SUPT3H: variants seen among roughly 807,000 people sequenced by gnomAD.
The protein encoded by SUPT3H is SPT3 homolog, SAGA and STAGA complex component.
Under a neutral mutation model 44.3 loss-of-function variants are expected in SUPT3H, and 44 were observed. The observed-to-expected ratio is 0.99, with a 90% confidence interval of 0.78 to 1.28. The LOEUF (loss-of-function observed/expected upper bound fraction) is 1.28, where lower values mean the gene tolerates loss of function less well. Among genes scored for constraint, SUPT3H ranks in the 50% most tolerant of loss-of-function variants. SUPT3H has a pLI of 0.00. For synonymous variants in SUPT3H, 124 were observed against 125.6 expected (o/e 0.99, Z 0.09); for missense variants, 380 against 387.1 (o/e 0.98, Z 0.15).
At chr6:45,065,740 C>T (rs370516211) in intron 3 of SUPT3H, among the ~76,000 whole-genome samples, 3 of 151,646 alleles carry the variant, frequency 2.0e-5, no homozygotes, top group Non-Finnish European at 4.4e-5. Flanking sequence ...AACACATACA[C>T]TCTCCCAAGA....
chr6:44,991,383 G>A (rs1220057743), intron 6 of SUPT3H, among the ~76,000 whole-genome samples: 1 of 152,110 alleles, frequency 6.6e-6, no homozygotes, highest in African/African-American at 2.4e-5. Context: ...GGAGAATCAT[G>A]AAAAGGAGAA....
intron 4 of SUPT3H, among the ~76,000 whole-genome samples, chr6:45,019,177 T>C (rs1784747557): frequency 6.6e-6 from 1 of 152,194 alleles, no homozygotes; most frequent in Admixed American, 6.5e-5. Flanking sequence ...TGTATTTCTG[T>C]GGGATTGGTG....
intron 2 of SUPT3H, among the ~76,000 whole-genome samples, chr6:45,340,815 T>C (rs1294560404): frequency 6.6e-6 from 1 of 152,040 alleles, no homozygotes; most frequent in Non-Finnish European, 1.5e-5. Flanking sequence ...TAAAATAATC[T>C]TGTATCATAA....
chr6:45,322,696 C>T (rs546258661), intron 2 of SUPT3H, among the ~76,000 whole-genome samples: 3 of 152,154 alleles, frequency 2.0e-5, no homozygotes, highest in African/African-American at 4.8e-5. Context: ...AAAATCTATA[C>T]ACAGTAATGA....
intron 2 of SUPT3H, among the ~76,000 whole-genome samples, chr6:45,306,181 C>T (rs546963156): frequency 6.6e-6 from 1 of 152,326 alleles, no homozygotes; most frequent in Non-Finnish European, 1.5e-5. Flanking sequence ...TCACAGGCAA[C>T]ACACATCACA....
intron 4 of SUPT3H, among the ~76,000 whole-genome samples, chr6:45,018,382 T>C (rs1784621681): frequency 6.6e-6 from 1 of 150,770 alleles, no homozygotes; most frequent in African/African-American, 2.4e-5. Flanking sequence ...TCCAACACTA[T>C]GTTGAATAGG....
intron 6 of SUPT3H, among the ~76,000 whole-genome samples, chr6:44,990,192 T>TC (rs746613127): frequency 1.3e-5 from 2 of 152,022 alleles, no homozygotes; most frequent in Non-Finnish European, 2.9e-5. Flanking sequence ...CATTTTTTTT[T>TC]CGCATGTGGA....
At chr6:45,372,648 T>C (rs1796243997) in intron 1 of SUPT3H, among the ~76,000 whole-genome samples, 1 of 152,176 alleles carries the variant, frequency 6.6e-6, no homozygotes, top group East Asian at 1.9e-4. Context: ...CTACATACCA[T>C]ACACCAAACA....
intron 2 of SUPT3H, among the ~76,000 whole-genome samples, chr6:45,168,573 A>C (rs1810287152): frequency 6.6e-6 from 1 of 152,174 alleles, no homozygotes; most frequent in African/African-American, 2.4e-5. Flanking sequence ...CCTGTCTCAG[A>C]TATTTGGGGA....
intron 10 of SUPT3H, among the ~76,000 whole-genome samples, chr6:44,914,928 C>T (rs1339330270): frequency 6.6e-6 from 1 of 152,072 alleles, no homozygotes; most frequent in African/African-American, 2.4e-5. Flanking sequence ...AGGACTAGAT[C>T]CAAAAGGAGA....
chr6:45,293,391 A>C (rs540815771), intron 2 of SUPT3H, among the ~76,000 whole-genome samples: 2 of 152,194 alleles, frequency 1.3e-5, no homozygotes, highest in Non-Finnish European at 1.5e-5. Context: ...AGTCTGAAAG[A>C]GCACAGACAG....
At chr6:44,905,090 C>T (rs1765773618) in intron 10 of SUPT3H, among the ~76,000 whole-genome samples, 1 of 151,916 alleles carries the variant, frequency 6.6e-6, no homozygotes, top group Non-Finnish European at 1.5e-5. Context: ...TAGGCAATAC[C>T]ATTCAGGACA....
chr6:45,063,412 C>G (rs1792555590), intron 3 of SUPT3H, among the ~76,000 whole-genome samples: 1 of 150,816 alleles, frequency 6.6e-6, no homozygotes, highest in South Asian at 2.1e-4. Context: ...CTCTCCTCCT[C>G]CAAAGGAACG....
rs1473419833 is a variant in SUPT3H, at chr6:44,961,806, A to G, written c.527T>C (p.Ile176Thr). ...RMERAERQTR[I>T]MDSAQYAEFC... is the part of the protein sequence containing the mutation. ...TTCTGCATATTGAGCTGAATCCATA[A>G]TTCGAGTTTGTCTTTCTGCTCTCTA... The change falls in exon 7 of 11, where the codon ATT becomes ACT. Residue 176 changes from isoleucine to threonine, a missense_variant. Coordinates refer to ENST00000371459, the MANE Select transcript of SUPT3H (RefSeq NM_003599.4). The G allele has an allele frequency of 6.2e-7, 1 of 1,607,520 alleles. No individual in the cohort carries two copies. Among genetic ancestry groups the G allele is most frequent in the Non-Finnish European group, 8.5e-7 (1 of 1,178,042 alleles).
chr6:45,143,617 C>T (rs1805586778), intron 2 of SUPT3H, among the ~76,000 whole-genome samples: 1 of 151,952 alleles, frequency 6.6e-6, no homozygotes, highest in South Asian at 2.1e-4. Context: ...CACAAATAGA[C>T]AATCTAAGGT....
intron 3 of SUPT3H, among the ~76,000 whole-genome samples, chr6:45,083,235 A>G (rs1308309604): frequency 6.6e-6 from 1 of 151,540 alleles, no homozygotes; most frequent in Non-Finnish European, 1.5e-5. Flanking sequence ...TCTGTAGCCC[A>G]GGCCGGAGTG....
chr6:44,955,574 C>G (rs976135634), intron 7 of SUPT3H: 9 of 152,412 alleles, frequency 5.9e-5, no homozygotes, highest in African/African-American at 2.2e-4. Context: ...CCACAGCAAG[C>G]CCCGCCCAAG....
chr6:45,284,181 C>G (rs1476938525), intron 2 of SUPT3H, among the ~76,000 whole-genome samples: 2 of 151,976 alleles, frequency 1.3e-5, no homozygotes, highest in Non-Finnish European at 2.9e-5. Context: ...ATAATTAAAA[C>G]AACTGGAGAA....
At chr6:45,299,497 A>C (rs6932726) in intron 2 of SUPT3H, among the ~76,000 whole-genome samples, 149,143 of 152,230 alleles carry the variant, frequency 0.98, 73,071 homozygotes, top group Middle Eastern at 1. Context: ...AAAAATGTGT[A>C]ATATAAGTAA....
Sources: allele counts gnomAD v4.1 joint callset (sites outside exome capture counted in the v4.1 genomes callset), GRCh38; gene constraint gnomAD v4.1.1; transcripts MANE v1.5; gene names NCBI Gene and HGNC (gene_info 2026-07-23, HGNC 2026-07-21).